ENTPD1: variants seen among roughly 807,000 people sequenced by gnomAD.
ENTPD1 encodes ectonucleoside triphosphate diphosphohydrolase 1.
A neutral mutation model predicts 57.0 loss-of-function variants in ENTPD1; 33 were observed. The observed-to-expected ratio is 0.58, with a 90% confidence interval of 0.44 to 0.77. The LOEUF is 0.77. Among genes scored for constraint, ENTPD1 ranks in the 30% least tolerant of loss-of-function variants. ENTPD1 has a pLI of 0.00. For synonymous variants in ENTPD1, 202 were observed against 218.8 expected, an observed-to-expected ratio of 0.92 and a Z score of 0.68; for missense variants, 501 against 603.4, an observed-to-expected ratio of 0.83 and a Z score of 1.78.
intron 4 of ENTPD1, among the ~76,000 whole-genome samples, chr10:95,843,862 T>C (rs913647754): frequency 2.0e-5 from 3 of 152,212 alleles, no homozygotes; most frequent in African/African-American, 7.2e-5. Flanking sequence ...GCCTAGATCT[T>C]GGAAGCAATT....
Position 95,868,268 on chromosome 10 carries a change from T to C in ENTPD1, c.*1885T>C. The C allele has an allele frequency of 1.0e-6, 1 of 985,470 alleles. No individual in the cohort carries two copies. Among genetic ancestry groups the C allele is most frequent in the Non-Finnish European group, 1.2e-6 (1 of 829,940 alleles). The allele number at this position is 985,470 out of a possible 1,614,324, so 61.0% of individuals were successfully genotyped here. A position where few individuals can be genotyped will look rare whatever the true frequency, so the allele number is the denominator to read the frequency against. ...ACATACCAGGCTGTCTCCTCATAAC[T>C]TCCAAGCATGCACTTAAAACTCCAC... On this transcript the variant is annotated 3_prime_UTR_variant, in exon 10 of 10. Coordinates refer to ENST00000371205, the MANE Select transcript of ENTPD1 (RefSeq NM_001776.6).
intron 8 of ENTPD1, among the ~76,000 whole-genome samples, chr10:95,862,204 G>A (rs1240173974): frequency 6.6e-6 from 1 of 152,174 alleles, no homozygotes; most frequent in Admixed American, 6.5e-5. Flanking sequence ...ATTTGGGGAA[G>A]GGGTTGCAGG....
chr10:95,862,002 TAA>T (rs751536822), intron 8 of ENTPD1, among the ~76,000 whole-genome samples: 2 of 137,922 alleles, frequency 1.5e-5, no homozygotes, highest in Non-Finnish European at 1.6e-5. Context: ...TCTCAAAAAT[TAA>T]AAAAAAAAAA....
At chr10:95,782,543 A>G (rs1566141629) in intron 1 of ENTPD1, among the ~76,000 whole-genome samples, 1 of 152,152 alleles carries the variant, frequency 6.6e-6, no homozygotes, top group Non-Finnish European at 1.5e-5. Flanking sequence ...TAGCTAAAAT[A>G]TTTTCAGAGC....
At chr10:95,777,216 G>A (rs2098137483) in intron 1 of ENTPD1, among the ~76,000 whole-genome samples, 1 of 152,154 alleles carries the variant, frequency 6.6e-6, no homozygotes, top group South Asian at 2.1e-4. Context: ...AGGCCCTCTG[G>A]TTTTTAGAAT....
intron 7 of ENTPD1, among the ~76,000 whole-genome samples, chr10:95,856,759 A>G (rs974475560): frequency 1.1e-4 from 17 of 150,584 alleles, no homozygotes; most frequent in African/African-American, 3.4e-4. Context: ...GCAAGGACAC[A>G]TGATGTATTA....
rs1422297609 is a variant in ENTPD1, at chr10:95,872,849, C to A, written c.*6466C>A. On this transcript the variant is annotated 3_prime_UTR_variant, in exon 10 of 10. Coordinates refer to ENST00000371205, the MANE Select transcript of ENTPD1 (RefSeq NM_001776.6). ...TTAAGAACCAGCCCAACTCCTGGTT[C>A]CCTGATGAAGCTTTTATTCCCCTAG... is the stretch of plus-strand genomic sequence containing the variant. 1 of 985,280 alleles carries A rather than the reference C, an allele frequency of 1.0e-6. No homozygotes were observed. Among genetic ancestry groups the A allele is most frequent in the Non-Finnish European group, 1.2e-6 (1 of 829,926 alleles). The allele number at this position is 985,280 out of a possible 1,614,324, so 61.0% of individuals were successfully genotyped here.
chr10:95,874,386 A>G lies in ENTPD1; in HGVS notation c.*8003A>G, dbSNP rs1383190118. Among the ~76,000 whole-genome samples the G allele has an allele frequency of 2.0e-5, 3 of 152,236 alleles. No individual in the cohort carries two copies. Among genetic ancestry groups the G allele is most frequent in the Admixed American group, 6.5e-5 (1 of 15,288 alleles). ...CTCCATAATGATCTCCTTTGACTCC[A>G]TGTCTCACATTCAGGTCATGCTGAT... is the stretch of plus-strand genomic sequence containing the variant. On this transcript the variant is annotated 3_prime_UTR_variant, in exon 10 of 10. Coordinates refer to ENST00000371205, the MANE Select transcript of ENTPD1 (RefSeq NM_001776.6).
At chr10:95,706,941 G>A (rs552990129), upstream of ENTPD1, among the ~76,000 whole-genome samples, 1 of 152,316 alleles carries the variant, frequency 6.6e-6, no homozygotes, top group African/African-American at 2.4e-5. Flanking sequence ...GCAGGCGCCG[G>A]GAGAGAAGAG....
chr10:95,745,403 C>G (rs1336877590), intron 1 of ENTPD1, among the ~76,000 whole-genome samples: 1 of 152,106 alleles, frequency 6.6e-6, no homozygotes, highest in Non-Finnish European at 1.5e-5. Context: ...CCAGGCTGGT[C>G]TCCTGGCCTC....
intron 7 of ENTPD1, among the ~76,000 whole-genome samples, chr10:95,850,287 ACTGTC>A (rs947917334): frequency 2.6e-5 from 4 of 152,166 alleles, no homozygotes; most frequent in Non-Finnish European, 5.9e-5. Context: ...CAGGGTCAGG[ACTGTC>A]CTGTCCCGAT....
intron 1 of ENTPD1, among the ~76,000 whole-genome samples, chr10:95,769,338 T>C (rs998361154): frequency 2.6e-5 from 4 of 152,252 alleles, no homozygotes; most frequent in African/African-American, 9.6e-5. Context: ...TCTTTAGACT[T>C]GTGGTAGCAT....
At chr10:95,789,009 A>G (rs999672562) in intron 1 of ENTPD1, among the ~76,000 whole-genome samples, 40 of 152,346 alleles carry the variant, frequency 2.6e-4, no homozygotes, top group African/African-American at 7.2e-4. Flanking sequence ...AAAGATAACA[A>G]AAGTTATTTT....
rs553844543 is a variant in ENTPD1 at position 95,738,826 on chromosome 10, T to C, written c.37+26833T>C. Reference sequence around the variant, plus strand: ...ACTCTGGTTTAGGTGCTGTGGGATGTTGAAGGATTTAGATGAGGAGGAGAG... The same window carrying C: ...ACTCTGGTTTAGGTGCTGTGGGATGCTGAAGGATTTAGATGAGGAGGAGAG... On this transcript the variant is annotated intron_variant, in intron 1 of 9. Transcript: ENST00000453258. 2.8e-4 allele frequency among the ~76,000 whole-genome samples: 42 copies of C among 152,316 alleles called. No homozygotes were observed. In the South Asian group the frequency reaches 8.1e-3, roughly 29 times the overall value.
At chr10:95,829,931 A>G (rs992113727) in intron 2 of ENTPD1, among the ~76,000 whole-genome samples, 1 of 152,066 alleles carries the variant, frequency 6.6e-6, no homozygotes. Context: ...TTATTAGAGT[A>G]GGTCTGTATT....
chr10:95,853,663 G>A (rs2098449370), intron 7 of ENTPD1, among the ~76,000 whole-genome samples: 1 of 152,152 alleles, frequency 6.6e-6, no homozygotes, highest in Admixed American at 6.5e-5. Flanking sequence ...TTTTGTCAAA[G>A]GCCTTTTCTG....
At chr10:95,795,659 G>A (rs937798442) in intron 1 of ENTPD1, among the ~76,000 whole-genome samples, 1 of 152,050 alleles carries the variant, frequency 6.6e-6, no homozygotes, top group Non-Finnish European at 1.5e-5. Context: ...ATTTTATCTA[G>A]AACATGAAAA....
chr10:95,868,317 T>C lies in ENTPD1; in HGVS notation c.*1934T>C, dbSNP rs2098476613. The C allele has an allele frequency of 3.0e-6, 3 of 985,304 alleles. No individual in the cohort carries two copies. The highest frequency in any genetic ancestry group is 9.4e-5 in the South Asian group (2 of 21,290). 61.0% of individuals were successfully genotyped at this position (985,304 alleles called of 1,614,324 possible). On this transcript the variant is annotated 3_prime_UTR_variant, in exon 10 of 10. Coordinates refer to ENST00000371205, the MANE Select transcript of ENTPD1 (RefSeq NM_001776.6). ...ACATGAATACAAGGTTCATGGGACTTGGTATTCATAGAAAGGGAGGCAGAA... is the reference window on the plus strand; with the variant it reads ...ACATGAATACAAGGTTCATGGGACTCGGTATTCATAGAAAGGGAGGCAGAA...
intron 1 of ENTPD1, among the ~76,000 whole-genome samples, chr10:95,821,847 G>A (rs2098352689): frequency 6.6e-6 from 1 of 152,046 alleles, no homozygotes; most frequent in Non-Finnish European, 1.5e-5. Context: ...CCATTTCAGT[G>A]CCCAGCCAGC....
Sources: allele counts gnomAD v4.1 joint callset (sites outside exome capture counted in the v4.1 genomes callset), GRCh38; gene constraint gnomAD v4.1.1; transcripts MANE v1.5; gene names NCBI Gene and HGNC (gene_info 2026-07-23, HGNC 2026-07-21).